ITGAL: variants seen among roughly 807,000 people sequenced by gnomAD.
ITGAL encodes the protein integrin alpha-L.
A neutral mutation model predicts 138.4 loss-of-function variants in ITGAL; 68 were observed. The ratio of observed to expected loss-of-function variants is 0.49; its 90% CI spans 0.40 to 0.60. The LOEUF (loss-of-function observed/expected upper bound fraction) is 0.60. Among genes scored for constraint, ITGAL ranks in the 20% least tolerant of loss-of-function variants. The pLI is 0.00. For synonymous variants in ITGAL, 561 were observed against 584.3 expected, an observed-to-expected ratio of 0.96 and a Z score of 0.57; for missense variants, 1,256 against 1,478.6, an observed-to-expected ratio of 0.85 and a Z score of 2.47.
At chr16:30,489,528 A>T (rs2050694998) in intron 11 of ITGAL, 142 bp downstream of exon 11, 1 of 764,296 alleles carries the variant, frequency 1.3e-6, no homozygotes. Context: ...TAACATTCAT[A>T]ATTTATTGTC....
chr16:30,482,787 A>G (rs2050578661), intron 7 of ITGAL, among the ~76,000 whole-genome samples: 1 of 151,968 alleles, frequency 6.6e-6, no homozygotes, highest in South Asian at 2.1e-4. Context: ...TGGCCAACCC[A>G]ACTTGCTCAG....
chr16:30,475,392 C>T lies in ITGAL; in HGVS notation c.251C>T (p.Thr84Ile). The change falls in exon 3 of 31, where the codon ACC becomes ATC. Residue 84 changes from threonine (T) to isoleucine (I), a missense_variant. Physicochemically the swap from Thr to Ile is moderately conservative, Grantham distance 89 (BLOSUM62 -1). This residue lies in a region of ITGAL where 212 missense variants were observed against 217.4 expected (regional missense o/e 0.98). Coordinates refer to ENST00000356798, the MANE Select transcript of ITGAL (RefSeq NM_002209.3). ...QSGTGHCLPV[T>I]LRGSNYTSKY... ...GGCACAGGACACTGCCTGCCAGTCA[C>T]CCTGAGAGGTGAGTAACTGGGGGGT... 6.2e-7 allele frequency: 1 copy of T among 1,613,396 alleles called. No individual in the cohort carries two copies. The highest frequency in any genetic ancestry group is 8.5e-7 in the Non-Finnish European group (1 of 1,179,386).
chr16:30,481,889 GGTTTTT>G (rs942664925), intron 7 of ITGAL, among the ~76,000 whole-genome samples: 20 of 151,914 alleles, frequency 1.3e-4, no homozygotes, highest in Admixed American at 3.3e-4. Context: ...TTTGGTTTTT[GGTTTTT>G]GTTTTTGTTT....
chr16:30,503,531 G>GAGGA (rs1218176773), intron 17 of ITGAL, among the ~76,000 whole-genome samples: 5 of 140,156 alleles, frequency 3.6e-5, no homozygotes, highest in African/African-American at 7.7e-5. Context: ...AAGGACAACG[G>GAGGA]AGGAAGGAAG....
rs1164979064 is a variant in ITGAL at position 30,508,070 on chromosome 16, A to G, written c.2508+1214A>G. Among the ~76,000 whole-genome samples, 12 of 149,630 alleles carry G rather than the reference A, an allele frequency of 8.0e-5. No individual in the cohort carries two copies. The South Asian group carries it at 1.7e-3, about 21-fold the overall frequency. On this transcript the variant is annotated intron_variant, in intron 21 of 30. Transcript: ENST00000356798. ...ACTACAGGCGCCCACCACCACGCCC[A>G]GCTAATTTTTTGTATTTTTAGTAGA...
intron 21 of ITGAL, among the ~76,000 whole-genome samples, chr16:30,507,255 C>G (rs947583270): frequency 4.0e-5 from 6 of 151,798 alleles, no homozygotes; most frequent in African/African-American, 1.2e-4. Flanking sequence ...GTCAGGAGAT[C>G]GAGACCATCC....
chr16:30,499,733 A>ATGTGTATATATATATATATATATT, intron 17 of ITGAL, among the ~76,000 whole-genome samples: 1,810 of 88,226 alleles, frequency 0.021, 41 homozygotes, highest in South Asian at 0.043. Flanking sequence ...ATATATATAT[A>ATGTGTATATATATATATATATATT]TTTTTTTTTT....
chr16:30,513,701 G>A (rs1567489497), intron 24 of ITGAL, 70 bp from the exon 25 acceptor site: 6 of 1,151,926 alleles, frequency 5.2e-6, no homozygotes, highest in South Asian at 1.2e-5. Context: ...GTGGCTGGGC[G>A]CTCAGAAGCT....
rs2050763832 is a variant in ITGAL, at chr16:30,494,094, A to G, written c.1214-118A>G. ...ATGCTTTTCTCAGGAGAAGGTCTTC[A>G]GCTGTTTCCATGCATCTCTGCTACT... is the stretch of plus-strand genomic sequence containing the variant. On this transcript the variant is annotated intron_variant, in intron 11 of 30. Transcript: ENST00000356798. This position sits in a 1 kb window ranked among gnomAD's most constrained non-coding sequence, Gnocchi z 4.2. The G allele has an allele frequency of 2.4e-6, 2 of 821,016 alleles. No individual in the cohort carries two copies. Among genetic ancestry groups the G allele is most frequent in the South Asian group, 4.0e-5 (2 of 50,184 alleles). 50.9% of individuals were successfully genotyped at this position (821,016 alleles called of 1,614,324 possible).
At chr16:30,506,118 G>A (rs2050989426) in intron 20 of ITGAL, among the ~76,000 whole-genome samples, 1 of 151,890 alleles carries the variant, frequency 6.6e-6, no homozygotes, top group South Asian at 2.1e-4. Flanking sequence ...AACTTAGCCA[G>A]GCATGGTGGC....
chr16:30,489,276 T>C lies in ITGAL; in HGVS notation c.1103T>C (p.Val368Ala). The C allele has an allele frequency of 6.2e-7, 1 of 1,613,460 alleles. No individual in the cohort carries two copies. Among genetic ancestry groups the C allele is most frequent in the East Asian group, 2.2e-5 (1 of 44,876 alleles). Residue 368 changes from valine to alanine, a missense_variant, in exon 11 of 31, where the codon GTA (valine) becomes GCA (alanine). Coordinates refer to ENST00000356798, the MANE Select transcript of ITGAL (RefSeq NM_002209.3). Reference sequence around the variant, plus strand: ...CAGGGCCATGCAGTCGTGGGGGCAGTAGGAGCCAAGGACTGGGCTGGGGGC... The same window carrying C: ...CAGGGCCATGCAGTCGTGGGGGCAGCAGGAGCCAAGGACTGGGCTGGGGGC... ...LSRGHAVVGA[V>A]GAKDWAGGFL...
intron 11 of ITGAL, among the ~76,000 whole-genome samples, chr16:30,489,883 T>A (rs1189411414): frequency 6.7e-6 from 1 of 148,220 alleles, no homozygotes; most frequent in African/African-American, 2.5e-5. Context: ...TTGCAGTGAG[T>A]GGAGATCACG....
Position 30,510,953 on chromosome 16 carries a change from GTGACC to G in ITGAL, c.2695_2699del (p.Thr899Ter). On this transcript the variant is annotated frameshift_variant and splice_region_variant, in exon 23 of 31. Coordinates refer to ENST00000356798, the MANE Select transcript of ITGAL (RefSeq NM_002209.3). LOFTEE classifies it high-confidence loss of function. ...GGACTCGGTTGAATTGCACGCCAAT[GTGACC>G]TGGTGAGCAGGCCCCGCCCACATCC... 7 of 1,613,978 alleles carry G rather than the reference GTGACC, an allele frequency of 4.3e-6. No individual in the cohort carries two copies. Among genetic ancestry groups the G allele is most frequent in the Non-Finnish European group, 5.9e-6 (7 of 1,179,944 alleles).
Position 30,494,323 on chromosome 16 carries a change from G to T in ITGAL, c.1325G>T (p.Gly442Val), listed in dbSNP as rs770677132. 1 of 1,612,816 alleles carries T rather than the reference G, an allele frequency of 6.2e-7. No homozygotes were observed. Among genetic ancestry groups the T allele is most frequent in the East Asian group, 2.2e-5 (1 of 44,854 alleles). The change falls in exon 12 of 31, where the codon GGA (glycine) becomes GTA (valine). Residue 442 changes from glycine (G) to valine (V), a missense_variant. By Grantham distance (109) the Gly-to-Val change is moderately radical. Around this residue, in one of 3 missense-constraint regions of ITGAL, gnomAD observed 867 missense variants for 972.5 expected, o/e 0.89. Transcript: ENST00000356798. The surrounding 1 kb of genome is among the most constrained non-coding windows in gnomAD (Gnocchi z 4.2). The stretch of plus-strand genomic sequence containing the variant: ...CTGCTGTTCCAAGAGCCACAGGGCG[G>T]AGGACACTGGAGCCAGGTCCAGACA... ...RVLLFQEPQGGGHWSQVQTIH... is the reference protein window; with the variant it reads ...RVLLFQEPQGVGHWSQVQTIH...
At position 30,496,573 on chromosome 16, in the gene ITGAL, T is replaced by G. The variant is rs757901894; in HGVS notation, c.1832+7T>G. On this transcript the variant is annotated splice_region_variant and intron_variant, in intron 15 of 30. Transcript: ENST00000356798. Reference sequence around the variant, plus strand: ...GCCAGATGATCGTGCTGAGGTGAGATGGGTCTCCCAGGTCACACCTGATGA... The same window carrying G: ...GCCAGATGATCGTGCTGAGGTGAGAGGGGTCTCCCAGGTCACACCTGATGA... 21 of 1,611,064 alleles carry G rather than the reference T, an allele frequency of 1.3e-5. No individual in the cohort carries two copies. Among genetic ancestry groups the G allele is most frequent in the Non-Finnish European group, 1.8e-5 (21 of 1,178,618 alleles).
At chr16:30,478,856 C>T (rs1198941170) in intron 4 of ITGAL, among the ~76,000 whole-genome samples, 1 of 151,966 alleles carries the variant, frequency 6.6e-6, no homozygotes, top group East Asian at 1.9e-4. Context: ...ATAAGGAGTC[C>T]AGACTCACCA....
At position 30,513,822 on chromosome 16, in the gene ITGAL, C is replaced by G; in HGVS notation, c.2838C>G (p.Ile946Met). The G allele has an allele frequency of 6.2e-7, 1 of 1,613,078 alleles. No individual in the cohort carries two copies. The highest frequency in any genetic ancestry group is 8.5e-7 in the Non-Finnish European group (1 of 1,179,026). ...YVSFTPKGPK[I>M]HQVKHMYQVR... Reference sequence around the variant, plus strand: ...GTTTCACCCCCAAAGGCCCCAAGATCCACCAAGTCAAGCACATGTACCAGG... The same window carrying G: ...GTTTCACCCCCAAAGGCCCCAAGATGCACCAAGTCAAGCACATGTACCAGG... The change falls in exon 25 of 31, where the codon ATC (isoleucine) becomes ATG (methionine). Residue 946 changes from isoleucine (I) to methionine (M), a missense_variant. Physicochemically the swap from Ile to Met is conservative, Grantham distance 10. This residue lies in a region of ITGAL where 867 missense variants were observed against 972.5 expected (regional missense o/e 0.89). Coordinates refer to ENST00000356798, the MANE Select transcript of ITGAL (RefSeq NM_002209.3).
Position 30,472,769 on chromosome 16 carries a change from G to A in ITGAL, c.-69G>A. The A allele has an allele frequency of 7.0e-7, 1 of 1,422,178 alleles. No homozygotes were observed. The highest frequency in any genetic ancestry group is 9.9e-7 in the Non-Finnish European group (1 of 1,014,578). 88.1% of individuals were successfully genotyped at this position (1,422,178 alleles called of 1,614,324 possible). ...CATTTTCCTCTTTCACCCTGTCTAGGTTGCCAGCAAATCCCACGGGCCTCC... is the reference window on the plus strand; with the variant it reads ...CATTTTCCTCTTTCACCCTGTCTAGATTGCCAGCAAATCCCACGGGCCTCC... On this transcript the variant is annotated 5_prime_UTR_variant, in exon 1 of 31. Coordinates refer to ENST00000356798, the MANE Select transcript of ITGAL (RefSeq NM_002209.3).
At chr16:30,498,977 A>C in intron 15 of ITGAL, 97 bp from the exon 16 acceptor site, 3 of 1,073,898 alleles carry the variant, frequency 2.8e-6, no homozygotes, top group Non-Finnish European at 2.7e-6. Context: ...GCTTTAGGGA[A>C]GGAGAGTTCT....
Sources: allele counts gnomAD v4.1 joint callset (sites outside exome capture counted in the v4.1 genomes callset), GRCh38; gene constraint gnomAD v4.1.1; regional missense constraint gnomAD v4.1.1; non-coding constraint Gnocchi (gnomAD v3.1); transcripts MANE v1.5; gene names NCBI Gene and HGNC (gene_info 2026-07-23, HGNC 2026-07-21).